The following DOP1A variants were observed in gnomAD, a reference collection of about 807,000 sequenced individuals.
The protein encoded by DOP1A is DOP1 leucine zipper like protein A.
A neutral mutation model predicts 267.6 loss-of-function variants in DOP1A; 90 were observed. The ratio of observed to expected loss-of-function variants is 0.34; its 90% CI spans 0.28 to 0.40. The LOEUF (loss-of-function observed/expected upper bound fraction) is 0.40. DOP1A is among the 10% of genes least tolerant of loss of function. DOP1A has a pLI of 1.00. For missense variants in DOP1A, 2,437 were observed against 2,900.4 expected, an observed-to-expected ratio of 0.84 and a Z score of 3.67; for synonymous variants, 932 against 999.1, an observed-to-expected ratio of 0.93 and a Z score of 1.27.
downstream of DOP1A, chr6:83,169,204 T>A: frequency 1.2e-6 from 2 of 1,612,942 alleles, no homozygotes; most frequent in Non-Finnish European, 1.7e-6. Context: ...TTGTAAAAAG[T>A]CCAGTTTCTC....
intron 15 of DOP1A, among the ~76,000 whole-genome samples, chr6:83,128,134 C>A (rs749003791): frequency 1.6e-4 from 24 of 152,270 alleles, no homozygotes; most frequent in Admixed American, 4.6e-4. Flanking sequence ...CAGCTTTGGG[C>A]AACAGGGCTT....
chr6:83,152,229 C>T (rs1781831923), intron 29 of DOP1A, 59 bp from the exon 30 acceptor site: 6 of 907,622 alleles, frequency 6.6e-6, no homozygotes, highest in Non-Finnish European at 1.0e-5. Flanking sequence ...CACACACACA[C>T]ACATAAAATT....
At chr6:83,120,582 A>C (rs1398907893) in intron 9 of DOP1A, 101 bp from the exon 10 acceptor site, 2 of 912,252 alleles carry the variant, frequency 2.2e-6, no homozygotes, top group Non-Finnish European at 3.1e-6. Flanking sequence ...AGTGGGTATA[A>C]GTCTCCGTTA....
At chr6:83,069,689 T>A (rs1259058260) in intron 1 of DOP1A, among the ~76,000 whole-genome samples, 1 of 152,234 alleles carries the variant, frequency 6.6e-6, no homozygotes, top group Non-Finnish European at 1.5e-5. Context: ...CTTTAATTAT[T>A]GGCAGAAGAC....
At chr6:83,151,013 G>A (rs1781565880) in intron 27 of DOP1A, among the ~76,000 whole-genome samples, 1 of 152,022 alleles carries the variant, frequency 6.6e-6, no homozygotes, top group Non-Finnish European at 1.5e-5. Context: ...CACCACAGAT[G>A]GATTTTGCCT....
chr6:83,168,306 A>T lies in DOP1A; in HGVS notation c.*139A>T. The T allele has an allele frequency of 7.0e-7, 1 of 1,428,972 alleles. No individual in the cohort carries two copies. The highest frequency in any genetic ancestry group is 9.1e-7 in the Non-Finnish European group (1 of 1,098,032). The allele number at this position is 1,428,972 out of a possible 1,614,324, so 88.5% of individuals were successfully genotyped here. A position where few individuals can be genotyped will look rare whatever the true frequency, so the allele number is the denominator to read the frequency against. On this transcript the variant is annotated 3_prime_UTR_variant, in exon 39 of 39. Coordinates refer to ENST00000349129, the MANE Select transcript of DOP1A (RefSeq NM_015018.4). Reference sequence around the variant, plus strand: ...TTGTATTTAATTTAAATATTTGTATATAAGAGCAAATGTCTGAATGTGGCC... The same window carrying T: ...TTGTATTTAATTTAAATATTTGTATTTAAGAGCAAATGTCTGAATGTGGCC...
chr6:83,139,682 T>TA (rs1218234873), intron 21 of DOP1A, among the ~76,000 whole-genome samples: 1 of 152,146 alleles, frequency 6.6e-6, no homozygotes, highest in African/African-American at 2.4e-5. Context: ...TTTCTACATG[T>TA]AAAATAATAA....
At chr6:83,111,607 A>G (rs1056809640) in intron 6 of DOP1A, among the ~76,000 whole-genome samples, 3 of 151,864 alleles carry the variant, frequency 2.0e-5, no homozygotes, top group African/African-American at 7.3e-5. Context: ...TTTGATTTGC[A>G]TTTCCCTAAA....
chr6:83,132,705 A>G (rs1778268998), intron 18 of DOP1A, among the ~76,000 whole-genome samples: 1 of 152,130 alleles, frequency 6.6e-6, no homozygotes, highest in South Asian at 2.1e-4. Flanking sequence ...TATGAAATGA[A>G]ATAATGTATA....
chr6:83,155,876 T>C, intron 33 of DOP1A, 75 bp from the exon 34 acceptor site: 1 of 1,522,000 alleles, frequency 6.6e-7, no homozygotes, highest in Admixed American at 2.0e-5. Context: ...ATAGAGCATC[T>C]AGCTATTTTA....
chr6:83,155,801 A>G (rs1782674069), intron 33 of DOP1A, 150 bp from the exon 34 acceptor site: 1 of 855,684 alleles, frequency 1.2e-6, no homozygotes. Flanking sequence ...TCTGTTTGCC[A>G]GCCTGTCTGC....
Position 83,129,018 on chromosome 6 carries a change from C to T in DOP1A, c.1851C>T (p.Asp617=), listed in dbSNP as rs775375476. The T allele has an allele frequency of 3.1e-6, 5 of 1,613,576 alleles. No homozygotes were observed. In the African/African-American group the frequency reaches 6.7e-5, roughly 22 times the overall value. The change falls in exon 16 of 39, where the codon GAC becomes GAT. Residue 617 remains aspartate, a synonymous_variant. Transcript: ENST00000349129. ...QYQADRTDDI[D]RELSEGQGAA... ...AAGCAGACCGAACTGATGATATTGA[C>T]AGAGAACTGAGTGAGGGCCAGGGGG...
chr6:83,130,042 CTTTG>C, intron 16 of DOP1A, 77 bp from the exon 17 acceptor site: 1 of 1,523,604 alleles, frequency 6.6e-7, no homozygotes, highest in Non-Finnish European at 8.8e-7. Context: ...TATTTAGTGG[CTTTG>C]TTTTTTGAAA....
downstream of DOP1A, chr6:83,168,669 T>C (rs1297442750): frequency 8.0e-6 from 8 of 994,858 alleles, no homozygotes; most frequent in Non-Finnish European, 9.6e-6. Context: ...CTTAAAAGTA[T>C]TGCATGAGCA....
chr6:83,150,485 T>A (rs986079072), intron 27 of DOP1A, among the ~76,000 whole-genome samples: 1 of 152,230 alleles, frequency 6.6e-6, no homozygotes, highest in Admixed American at 6.5e-5. Flanking sequence ...AGTTGAAAGT[T>A]GAACATTTTC....
Position 83,097,027 on chromosome 6 carries a change from A to G in DOP1A, c.50A>G (p.Tyr17Cys). ...ELLSDSKYRN[Y>C]VAAIDKALKN... Reference sequence around the variant, plus strand: ...TTGAGTGACTCCAAATACAGAAACTATGTAGCAGCAATTGACAAAGCACTA... The same window carrying G: ...TTGAGTGACTCCAAATACAGAAACTGTGTAGCAGCAATTGACAAAGCACTA... The change falls in exon 3 of 39, where the codon TAT becomes TGT. Residue 17 changes from tyrosine (Y) to cysteine (C), a missense_variant. Physicochemically the swap from Tyr to Cys is radical, Grantham distance 194. Around this residue, in one of 9 missense-constraint regions of DOP1A, gnomAD observed 251 missense variants for 359.1 expected, o/e 0.70. Coordinates refer to ENST00000349129, the MANE Select transcript of DOP1A (RefSeq NM_015018.4). 1 of 1,614,134 alleles carries G rather than the reference A, an allele frequency of 6.2e-7. No individual in the cohort carries two copies. The highest frequency in any genetic ancestry group is 8.5e-7 in the Non-Finnish European group (1 of 1,179,990).
chr6:83,087,432 T>C (rs997230452), intron 1 of DOP1A, among the ~76,000 whole-genome samples: 8 of 151,922 alleles, frequency 5.3e-5, no homozygotes, highest in African/African-American at 1.9e-4. Context: ...AAAAAAAACA[T>C]GTAGTTGAGT....
In DOP1A at chr6:83,145,524, G is replaced by A. The variant is rs933372119; in HGVS notation, c.5542G>A (p.Val1848Ile). ...ATACATACAATGATTTATTACCTAG[G>A]TCATTCCTGCAGCCAGTGAAGAACA... ...RQNKTTTRTK[V>I]IPAASEEQLL... The change falls in exon 25 of 39, where the codon GTC becomes ATC. Residue 1848 changes from valine (V) to isoleucine (I), a missense_variant and splice_region_variant. Transcript: ENST00000349129. 5 of 1,587,082 alleles carry A rather than the reference G, an allele frequency of 3.2e-6. No homozygotes were observed. In the South Asian group the frequency reaches 4.6e-5, roughly 14 times the overall value.
chr6:83,072,265 C>A (rs1785750076), intron 1 of DOP1A, among the ~76,000 whole-genome samples: 1 of 151,514 alleles, frequency 6.6e-6, no homozygotes, highest in Non-Finnish European at 1.5e-5. Context: ...TGTTCATGAA[C>A]AAAGAGCTTG....
Sources: allele counts gnomAD v4.1 joint callset (sites outside exome capture counted in the v4.1 genomes callset), GRCh38; gene constraint gnomAD v4.1.1; regional missense constraint gnomAD v4.1.1; transcripts MANE v1.5; gene names NCBI Gene and HGNC (gene_info 2026-07-23, HGNC 2026-07-21).